The following LTBP2 variants were observed in gnomAD, a reference collection of about 807,000 sequenced individuals.
The protein encoded by LTBP2 is latent transforming growth factor beta binding protein 2, also known as latent-transforming growth factor beta-binding protein 2.
Under a neutral mutation model 210.6 loss-of-function variants are expected in LTBP2, and 103 were observed. The ratio of observed to expected loss-of-function variants is 0.49; its 90% CI spans 0.42 to 0.58. The LOEUF (loss-of-function observed/expected upper bound fraction) is 0.58, where lower values mean the gene tolerates loss of function less well. LTBP2 is among the 20% of genes least tolerant of loss of function. LTBP2 has a pLI of 0.00. For missense variants in LTBP2, 2,313 were observed against 2,494.5 expected (o/e 0.93, Z 1.55); for synonymous variants, 1,007 against 1,015.0 (o/e 0.99, Z 0.15).
chr14:74,604,158 T>C (rs1595303991), intron 1 of LTBP2, among the ~76,000 whole-genome samples: 2 of 68,648 alleles, frequency 2.9e-5, no homozygotes, highest in African/African-American at 1.7e-4. Flanking sequence ...CTACATTGCC[T>C]CTCACCAAAA....
intron 2 of LTBP2, among the ~76,000 whole-genome samples, chr14:74,594,219 A>AC (rs1375864360): frequency 6.6e-6 from 1 of 151,528 alleles, no homozygotes; most frequent in African/African-American, 2.4e-5. Flanking sequence ...CTGCCACCCT[A>AC]CCCCCCGGGC....
At chr14:74,525,311 A>G (rs1018528696) in intron 14 of LTBP2, 86 bp from the exon 15 acceptor site, 3 of 676,986 alleles carry the variant, frequency 4.4e-6, no homozygotes, top group South Asian at 5.6e-5. Context: ...CAGACTCCCA[A>G]GAACGAAGGG....
At chr14:74,508,224 G>A (rs113440537) in intron 24 of LTBP2, 129 bp from the exon 25 acceptor site, 57 of 1,183,312 alleles carry the variant, frequency 4.8e-5, no homozygotes, top group African/African-American at 3.0e-4. Context: ...GAAAAGGCTC[G>A]AAGCCAGAGG....
Position 74,585,168 on chromosome 14 carries a change from T to A in LTBP2, c.830+686A>T, listed in dbSNP as rs962774135. ...CAAGCAGGCCAGGGAATCCTGCCCA[T>A]GAACACTCCCCTTGTTCACTTTTCT... is the stretch of plus-strand genomic sequence containing the variant. On this transcript the variant is annotated intron_variant, in intron 3 of 35. Transcript: ENST00000261978. 4.6e-5 allele frequency among the ~76,000 whole-genome samples: 7 copies of A among 152,342 alleles called. 1 individual carries two copies. The highest frequency in any genetic ancestry group is 4.1e-4 in the South Asian group (2 of 4,830).
intron 3 of LTBP2, among the ~76,000 whole-genome samples, chr14:74,574,479 C>T (rs2088028776): frequency 6.6e-6 from 1 of 152,198 alleles, no homozygotes; most frequent in African/African-American, 2.4e-5. Flanking sequence ...CTGCATGTCA[C>T]TGAGCTGGTG....
At position 74,508,708 on chromosome 14, in the gene LTBP2, TC is replaced by T; in HGVS notation, c.3547del (p.Glu1183ArgfsTer122). 1.2e-6 allele frequency: 2 copies of T among 1,613,750 alleles called. No homozygotes were observed. Among genetic ancestry groups the T allele is most frequent in the Non-Finnish European group, 1.7e-6 (2 of 1,179,966 alleles). On this transcript the variant is annotated frameshift_variant, in exon 24 of 36. Transcript: ENST00000261978. LOFTEE classifies it high-confidence loss of function. The stretch of plus-strand genomic sequence containing the variant: ...CTCGCCGTGGGGTGCGCAGTGCTCC[TC>T]CCCCATGCACTCATTCACATCTGCA... ...VCEDVNECMG[E>X]EHCAPHGECL... is the part of the protein sequence containing the mutation.
Position 74,585,886 on chromosome 14 carries a change from C to A in LTBP2, c.798G>T (p.Gln266His), listed in dbSNP as rs1846147620. ...TLARAQPPAP[Q>H]SPPAPQSPPA... is the part of the protein sequence containing the mutation. ...GTGGCGACTGTGGTGCGGGCGGCGA[C>A]TGTGGTGCTGGCGGCTGTGCTCTGG... Residue 266 changes from glutamine (Q) to histidine (H), a missense_variant, in exon 3 of 36, where the codon CAG becomes CAT. Transcript: ENST00000261978. 3.7e-6 allele frequency: 6 copies of A among 1,613,828 alleles called. No homozygotes were observed. The South Asian group carries it at 4.4e-5, about 12-fold the overall frequency.
intron 3 of LTBP2, among the ~76,000 whole-genome samples, chr14:74,560,612 C>A (rs1011713973): frequency 7.9e-5 from 12 of 152,214 alleles, no homozygotes; most frequent in African/African-American, 2.9e-4. Flanking sequence ...TCACCCTCAC[C>A]CTAGCCTGGC....
intron 3 of LTBP2, among the ~76,000 whole-genome samples, chr14:74,560,798 C>G: frequency 6.6e-6 from 1 of 152,182 alleles, no homozygotes; most frequent in East Asian, 1.9e-4. Flanking sequence ...TATAGTATGA[C>G]AACTATTAGC....
intron 2 of LTBP2, among the ~76,000 whole-genome samples, chr14:74,599,656 C>T (rs2088417556): frequency 6.6e-6 from 1 of 152,252 alleles, no homozygotes; most frequent in East Asian, 1.9e-4. Flanking sequence ...CGGCCCAGCT[C>T]TAGCCCCCGC....
chr14:74,519,212 T>C (rs1033328400), intron 17 of LTBP2, among the ~76,000 whole-genome samples: 4 of 152,040 alleles, frequency 2.6e-5, no homozygotes, highest in South Asian at 2.1e-4. Context: ...TTTCAGTAAA[T>C]CAAAATTAAG....
rs751374188 is a variant in LTBP2, at chr14:74,552,349, T to C, written c.1237A>G (p.Arg413Gly). Residue 413 changes from arginine to glycine, a missense_variant, in exon 6 of 36, where the codon AGG becomes GGG. Coordinates refer to ENST00000261978, the MANE Select transcript of LTBP2 (RefSeq NM_000428.3). ...PCLNGGRCIG[R>G]DECWCPANST... ...TTGGCGGGGCACCAGCATTCGTCCCTGCCGATGCAGCGGCCTCCGTTCAGG... is the reference window on the plus strand; with the variant it reads ...TTGGCGGGGCACCAGCATTCGTCCCCGCCGATGCAGCGGCCTCCGTTCAGG... 5 of 1,611,796 alleles carry C rather than the reference T, an allele frequency of 3.1e-6. No homozygotes were observed. Among genetic ancestry groups the C allele is most frequent in the African/African-American group, 2.7e-5 (2 of 74,936 alleles).
chr14:74,506,065 C>G lies in LTBP2; in HGVS notation c.4160G>C (p.Arg1387Pro). The change falls in exon 28 of 36, where the codon CGC becomes CCC. Residue 1387 changes from arginine to proline, a missense_variant. Around this residue, in one of 3 missense-constraint regions of LTBP2, gnomAD observed 1,867 missense variants for 1,976.9 expected, o/e 0.94. Coordinates refer to ENST00000261978, the MANE Select transcript of LTBP2 (RefSeq NM_000428.3). ...EEYDAQEGHC[R>P]PRGAGGQSMS... ...GGCCTCACCTCCAGCCCCCCGTGGG[C>G]GGCAGTGCCCCTCCTGGGCATCGTA... is the stretch of plus-strand genomic sequence containing the variant. 6.2e-7 allele frequency: 1 copy of G among 1,614,140 alleles called. No individual in the cohort carries two copies. The highest frequency in any genetic ancestry group is 1.1e-5 in the South Asian group (1 of 91,090).
intron 16 of LTBP2, 83 bp from the exon 17 acceptor site, chr14:74,522,122 A>AGGG: frequency 6.8e-7 from 1 of 1,475,724 alleles, no homozygotes; most frequent in South Asian, 1.2e-5. Context: ...TGCCCACACT[A>AGGG]GGGGCTGGGC....
intron 2 of LTBP2, among the ~76,000 whole-genome samples, chr14:74,590,149 T>C (rs1054425164): frequency 2.0e-5 from 3 of 152,224 alleles, no homozygotes; most frequent in Non-Finnish European, 4.4e-5. Flanking sequence ...AAACAATTGA[T>C]GTTGGCACAG....
intron 2 of LTBP2, among the ~76,000 whole-genome samples, chr14:74,593,263 C>T (rs752769230): frequency 2.0e-5 from 3 of 152,146 alleles, no homozygotes; most frequent in Non-Finnish European, 4.4e-5. Flanking sequence ...CAGCCCCTCC[C>T]GACCACCCCA....
intron 3 of LTBP2, among the ~76,000 whole-genome samples, chr14:74,563,820 A>G (rs944459280): frequency 6.6e-6 from 1 of 150,908 alleles, no homozygotes; most frequent in Non-Finnish European, 1.5e-5. Flanking sequence ...CTGGCCATTT[A>G]TGGAAGTCTG....
intron 34 of LTBP2, chr14:74,501,871 T>C: frequency 1.9e-6 from 1 of 518,054 alleles, no homozygotes; most frequent in Non-Finnish European, 3.5e-6. Flanking sequence ...CGGCTCCTGC[T>C]GGGGTTTGGG....
rs558014385 is a variant in LTBP2 at position 74,608,729 on chromosome 14, GA to G, written c.494+2721del. 1.2e-3 allele frequency among the ~76,000 whole-genome samples: 155 copies of G among 127,254 alleles called. 1 individual carries two copies. Among genetic ancestry groups the G allele is most frequent in the Non-Finnish European group, 1.3e-3 (77 of 59,038 alleles). 83.5% of individuals were successfully genotyped at this position (127,254 alleles called of 152,430 possible). A position where few individuals can be genotyped will look rare whatever the true frequency, so the allele number is the denominator to read the frequency against. ...CTCAAAAAAAAGAAAAAAAAAAAAA[GA>G]AAAAAAGAAAGAAAGAATAAAGAAA... On this transcript the variant is annotated intron_variant, in intron 1 of 35. Transcript: ENST00000261978.
Sources: gnomAD v4.1 joint callset for allele counts (sites outside exome capture counted in the v4.1 genomes callset) on GRCh38, gnomAD v4.1.1 for gene constraint, gnomAD v4.1.1 regional missense constraint, MANE v1.5 for transcripts, NCBI Gene and HGNC (gene_info 2026-07-23, HGNC 2026-07-21) for gene names.